PTPN3: variants seen among roughly 807,000 people sequenced by gnomAD.
PTPN3 encodes the protein protein tyrosine phosphatase non-receptor type 3.
Under a neutral mutation model 132.7 loss-of-function variants are expected in PTPN3, and 96 were observed. The ratio of observed to expected loss-of-function variants is 0.72; its 90% confidence interval spans 0.61 to 0.86. The LOEUF (loss-of-function observed/expected upper bound fraction) is 0.86. Ranked by LOEUF, PTPN3 falls within the 40% of genes least tolerant of loss-of-function variation. The pLI, the probability that PTPN3 is intolerant of heterozygous loss-of-function variation, is 0.00. For synonymous variants in PTPN3, 398 were observed against 429.0 expected, an observed-to-expected ratio of 0.93 and a Z score of 0.89; for missense variants, 1,125 against 1,159.6, an observed-to-expected ratio of 0.97 and a Z score of 0.43.
the PTPN3 span, among the ~76,000 whole-genome samples, chr9:109,531,055 A>T: frequency 1.2e-4 from 19 of 152,266 alleles, no homozygotes; most frequent in Non-Finnish European, 2.6e-4. Flanking sequence ...TTAATGCACC[A>T]AAGTTTTTCA....
intron 1 of PTPN3, among the ~76,000 whole-genome samples, chr9:109,494,548 G>C (rs1847599514): frequency 6.6e-6 from 1 of 152,146 alleles, no homozygotes; most frequent in Non-Finnish European, 1.5e-5. Context: ...ATGCCATCTT[G>C]TTCCTAAGTT....
In PTPN3 at chr9:109,411,042, T is replaced by C. The variant is rs894060762; in HGVS notation, c.1314-627A>G. Among the ~76,000 whole-genome samples, 10 of 152,222 alleles carry C rather than the reference T, an allele frequency of 6.6e-5. No homozygotes were observed. The East Asian group carries it at 1.7e-3, about 26-fold the overall frequency. On this transcript the variant is annotated intron_variant, in intron 14 of 25. Transcript: ENST00000374541. ...ATGGTAGCCACTAGTTATATGTGGCTACTTAAATTTAAATAAATTAAGACA... is the reference window on the plus strand; with the variant it reads ...ATGGTAGCCACTAGTTATATGTGGCCACTTAAATTTAAATAAATTAAGACA...
In PTPN3 at chr9:109,460,652, C is replaced by T. The variant is rs114328911; in HGVS notation, c.138+2645G>A. Among the ~76,000 whole-genome samples, 762 of 152,272 alleles carry T rather than the reference C, an allele frequency of 5.0e-3. 4 individuals are homozygous for T. The highest frequency in any genetic ancestry group is 0.018 in the African/African-American group (728 of 41,536). ...CTGGGATGTGCTCCCTCCAGATGAA[C>T]GCCTGGTTCTTTCATCTCATCAGTG... On this transcript the variant is annotated intron_variant, in intron 2 of 25. Coordinates refer to ENST00000374541, the MANE Select transcript of PTPN3 (RefSeq NM_002829.4).
At chr9:109,410,124 C>T (rs768045409) in intron 15 of PTPN3, 48 bp from the exon 16 acceptor site, 4 of 1,613,846 alleles carry the variant, frequency 2.5e-6, no homozygotes, top group African/African-American at 1.3e-5. Flanking sequence ...CTCTCTCCAG[C>T]AGTTGGTGAT....
chr9:109,406,326 G>A (rs930914469), intron 18 of PTPN3, 136 bp downstream of exon 18: 31 of 1,182,214 alleles, frequency 2.6e-5, no homozygotes, highest in Admixed American at 1.4e-4. Context: ...CCAAACATTC[G>A]GTTATTACCT....
rs1310203020 is a variant in PTPN3 at position 109,387,290 on chromosome 9, CAG to C, written c.2253+1941_2253+1942del. On this transcript the variant is annotated intron_variant, in intron 22 of 25. Coordinates refer to ENST00000374541, the MANE Select transcript of PTPN3 (RefSeq NM_002829.4). ...CCAGAGGGCCTGATGAAGCCTGACT[CAG>C]AGATCAGTTCTCTGCCGAAGAGCCT... Among the ~76,000 whole-genome samples the C allele has an allele frequency of 2.6e-5, 4 of 152,208 alleles. 1 individual carries two copies. The highest frequency in any genetic ancestry group is 4.1e-4 in the South Asian group (2 of 4,826).
At position 109,450,185 on chromosome 9, in the gene PTPN3, C is replaced by A. The variant is rs1449602120; in HGVS notation, c.369-1330G>T. On this transcript the variant is annotated intron_variant, in intron 5 of 25. Coordinates refer to ENST00000374541, the MANE Select transcript of PTPN3 (RefSeq NM_002829.4). ...TACTTTGATTATAATTAACTACCCA[C>A]AATGTATTGAACACCTGGCCTTGAG... 14 of 985,122 alleles carry A rather than the reference C, an allele frequency of 1.4e-5. No homozygotes were observed. In the African/African-American group the frequency reaches 1.9e-4, roughly 14 times the overall value. The allele number at this position is 985,122 out of a possible 1,614,324, so 61.0% of individuals were successfully genotyped here.
chr9:109,506,047 G>A, the PTPN3 span, among the ~76,000 whole-genome samples: 6 of 152,246 alleles, frequency 3.9e-5, no homozygotes, highest in South Asian at 4.1e-4. Context: ...CACTGCGCCC[G>A]GCCCAGAACA....
intron 19 of PTPN3, among the ~76,000 whole-genome samples, chr9:109,394,498 A>G (rs1444128389): frequency 6.7e-6 from 1 of 149,888 alleles, no homozygotes; most frequent in Non-Finnish European, 1.5e-5. Flanking sequence ...GCTGGGCTGC[A>G]GTGGTGCGAT....
intron 22 of PTPN3, among the ~76,000 whole-genome samples, chr9:109,388,389 AGAG>A (rs1385744135): frequency 6.6e-6 from 1 of 152,202 alleles, no homozygotes; most frequent in African/African-American, 2.4e-5. Context: ...GCTAGACCTC[AGAG>A]GAGATGGGAA....
chr9:109,410,176 G>C, intron 15 of PTPN3, 53 bp downstream of exon 15: 1 of 1,611,244 alleles, frequency 6.2e-7, no homozygotes, highest in Non-Finnish European at 8.5e-7. Context: ...CTGCCCACAA[G>C]AGGCCGGGAA....
chr9:109,470,042 C>CTTT (rs72168115), intron 1 of PTPN3, among the ~76,000 whole-genome samples: 5 of 148,126 alleles, frequency 3.4e-5, no homozygotes, highest in East Asian at 2.0e-4. Context: ...CTTCCCTCTA[C>CTTT]TTTTTTTTTT....
intron 10 of PTPN3, among the ~76,000 whole-genome samples, chr9:109,432,077 AAT>A (rs1410819710): frequency 1.3e-5 from 2 of 148,818 alleles, no homozygotes; most frequent in African/African-American, 4.9e-5. Flanking sequence ...ATTATATAAC[AAT>A]AGAGTATTAT....
chr9:109,503,801 GTGA>G, the PTPN3 span, among the ~76,000 whole-genome samples: 5 of 152,130 alleles, frequency 3.3e-5, no homozygotes, highest in African/African-American at 1.2e-4. Context: ...TACAAGAGCA[GTGA>G]TGAAGGGATT....
intron 1 of PTPN3, among the ~76,000 whole-genome samples, chr9:109,470,300 C>T (rs990946192): frequency 1.3e-5 from 2 of 152,128 alleles, no homozygotes; most frequent in African/African-American, 2.4e-5. Context: ...TATGTGGTAT[C>T]GAGTTCTTTG....
intron 5 of PTPN3, among the ~76,000 whole-genome samples, chr9:109,452,320 C>T (rs1410043480): frequency 6.7e-6 from 1 of 148,302 alleles, no homozygotes; most frequent in Non-Finnish European, 1.5e-5. Context: ...CTTCAGAGTA[C>T]CTGGTACTTA....
At chr9:109,394,582 AC>A (rs1274048151) in intron 19 of PTPN3, among the ~76,000 whole-genome samples, 1 of 152,122 alleles carries the variant, frequency 6.6e-6, no homozygotes, top group Non-Finnish European at 1.5e-5. Context: ...AGTTGGGACT[AC>A]AGGCATGTGC....
chr9:109,419,838 A>G (rs1842767696), intron 14 of PTPN3, among the ~76,000 whole-genome samples: 2 of 152,024 alleles, frequency 1.3e-5, no homozygotes, highest in South Asian at 4.2e-4. Flanking sequence ...TCCTTGAGCT[A>G]TGAGGGAACT....
chr9:109,457,107 A>G, intron 4 of PTPN3, 66 bp downstream of exon 4: 1 of 1,525,354 alleles, frequency 6.6e-7, no homozygotes, highest in South Asian at 1.1e-5. Context: ...TGACGATTGG[A>G]GGGGAGAAAC....
Sources: gnomAD v4.1 joint callset for allele counts (sites outside exome capture counted in the v4.1 genomes callset) on GRCh38, gnomAD v4.1.1 for gene constraint, MANE v1.5 for transcripts, NCBI Gene and HGNC (gene_info 2026-07-23, HGNC 2026-07-21) for gene names.